MED12L: variants seen among roughly 807,000 people sequenced by gnomAD.
The protein encoded by MED12L is mediator complex subunit 12L.
Under a neutral mutation model 281.3 loss-of-function variants are expected in MED12L, and 60 were observed. The observed-to-expected ratio is 0.21, with a 90% CI of 0.17 to 0.26. The LOEUF (loss-of-function observed/expected upper bound fraction) is 0.26, where lower values mean the gene tolerates loss of function less well. Among genes scored for constraint, MED12L ranks in the 10% least tolerant of loss-of-function variants. The probability of loss-of-function intolerance (pLI) is 1.00; values close to 1 mark genes in which losing one functional copy is unlikely to be tolerated. For synonymous variants in MED12L, 974 were observed against 987.2 expected, an observed-to-expected ratio of 0.99 and a Z score of 0.25; for missense variants, 2,146 against 2,680.9, an observed-to-expected ratio of 0.80 and a Z score of 4.41.
intron 36 of MED12L, 135 bp downstream of exon 36, chr3:151,385,326 G>T: frequency 1.9e-6 from 1 of 538,300 alleles, no homozygotes; most frequent in Non-Finnish European, 3.2e-6. Context: ...TGTCTTCTAA[G>T]TGTACTTAGT....
At chr3:151,367,573 C>T (rs1272943039) in intron 23 of MED12L, 73 bp from the exon 24 acceptor site, 6 of 1,386,822 alleles carry the variant, frequency 4.3e-6, no homozygotes, top group Non-Finnish European at 5.8e-6. Context: ...TGCCTGCATT[C>T]TCTTAGTTAT....
chr3:151,119,161 T>C (rs1008664896), intron 3 of MED12L, among the ~76,000 whole-genome samples: 3 of 152,232 alleles, frequency 2.0e-5, no homozygotes, highest in Non-Finnish European at 4.4e-5. Context: ...AGTTAGTCTG[T>C]TGCCAATTTC....
At chr3:151,229,717 G>A (rs139909171) in intron 16 of MED12L, among the ~76,000 whole-genome samples, 1,944 of 151,800 alleles carry the variant, frequency 0.013, 46 homozygotes, top group African/African-American at 0.045. Context: ...CGCCTGCCTC[G>A]GCCTCCCAAA....
At chr3:151,413,897 G>A (rs1326842427) in intron 42 of MED12L, among the ~76,000 whole-genome samples, 1 of 148,606 alleles carries the variant, frequency 6.7e-6, no homozygotes, top group African/African-American at 2.5e-5. Flanking sequence ...TTCCCCTTAA[G>A]ACGGAGTCTC....
intron 16 of MED12L, among the ~76,000 whole-genome samples, chr3:151,196,409 T>G (rs948499206): frequency 6.6e-6 from 1 of 152,214 alleles, no homozygotes; most frequent in Non-Finnish European, 1.5e-5. Context: ...AGCTTCTCAT[T>G]GCATGTGAGG....
intron 11 of MED12L, among the ~76,000 whole-genome samples, chr3:151,179,017 C>G (rs1192389609): frequency 1.3e-5 from 2 of 152,064 alleles, no homozygotes; most frequent in Non-Finnish European, 2.9e-5. Context: ...CTAGAATAAG[C>G]AATAAATACT....
At chr3:151,372,467 C>G (rs779231047) in intron 26 of MED12L, 100 bp from the exon 27 acceptor site, 509 of 814,276 alleles carry the variant, frequency 6.3e-4, no homozygotes, top group Non-Finnish European at 8.5e-4. Context: ...TAATACTGTT[C>G]ATATATTTTA....
At chr3:151,199,784 A>T (rs567274890) in intron 16 of MED12L, among the ~76,000 whole-genome samples, 6 of 152,080 alleles carry the variant, frequency 3.9e-5, no homozygotes, top group African/African-American at 1.4e-4. Context: ...GAGAGAGGAA[A>T]CTAGGGTTGT....
intron 5 of MED12L, among the ~76,000 whole-genome samples, chr3:151,128,494 C>G (rs73014887): frequency 0.011 from 1,663 of 152,270 alleles, 31 homozygotes; most frequent in African/African-American, 0.037. Context: ...CGGCTCCCCC[C>G]CTTCCTGTGA....
chr3:151,355,897 T>G lies in MED12L; in HGVS notation c.2519T>G (p.Ile840Ser). 6.2e-7 allele frequency: 1 copy of G among 1,607,840 alleles called. No individual in the cohort carries two copies. Among genetic ancestry groups the G allele is most frequent in the Non-Finnish European group, 8.5e-7 (1 of 1,178,196 alleles). Residue 840 changes from isoleucine (I) to serine (S), a missense_variant and splice_region_variant, in exon 19 of 45, where the codon ATT (isoleucine) becomes AGT (serine). Transcript: ENST00000687756. ...ATATTTTTGTTTTTATTTGCACAGA[T>G]TTCTAACAATGTGCTAGAACAAATC... ...YFDQHQVTSQ[I>S]SNNVLEQITS...
At chr3:151,127,314 G>T (rs1206825396) in intron 4 of MED12L, among the ~76,000 whole-genome samples, 1 of 152,052 alleles carries the variant, frequency 6.6e-6, no homozygotes, top group South Asian at 2.1e-4. Flanking sequence ...TTTAAATTTT[G>T]TACTAATGTC....
intron 16 of MED12L, chr3:151,316,920 A>G (rs1001241605): frequency 6.6e-6 from 1 of 152,202 alleles, no homozygotes; most frequent in Non-Finnish European, 1.5e-5. Flanking sequence ...CAGGAATCAG[A>G]TGGTGATTCA....
intron 16 of MED12L, among the ~76,000 whole-genome samples, chr3:151,243,724 C>T (rs1045985532): frequency 1.3e-5 from 2 of 151,912 alleles, no homozygotes; most frequent in African/African-American, 4.8e-5. Context: ...AGCAAAATAA[C>T]CAGCTAACAT....
In MED12L at chr3:151,193,768, TAGC is replaced by T. The variant is rs1273365409; in HGVS notation, c.2250+105_2250+107del. 8 of 1,082,404 alleles carry T rather than the reference TAGC, an allele frequency of 7.4e-6. No homozygotes were observed. In the African/African-American group the frequency reaches 9.5e-5, roughly 13 times the overall value. 67.0% of individuals were successfully genotyped at this position (1,082,404 alleles called of 1,614,324 possible). ...CAACTGTATTCTTGACTAATAATGA[TAGC>T]AGGTGAGTTTTTTGCATTTGCTCCT... On this transcript the variant is annotated intron_variant, in intron 16 of 44. Coordinates refer to ENST00000687756, the MANE Select transcript of MED12L (RefSeq NM_001393769.1).
chr3:151,337,761 T>C, intron 16 of MED12L: 1 of 1,549,576 alleles, frequency 6.5e-7, no homozygotes, highest in South Asian at 1.1e-5. Context: ...ACTTAGCGCT[T>C]TGCTTTAACG....
intron 39 of MED12L, among the ~76,000 whole-genome samples, chr3:151,407,117 A>C (rs1051793963): frequency 1.3e-5 from 2 of 152,142 alleles, no homozygotes; most frequent in African/African-American, 2.4e-5. Flanking sequence ...TATTTCTTAA[A>C]TTCCCATGAT....
At chr3:151,414,551 G>C (rs1164919706) in intron 42 of MED12L, among the ~76,000 whole-genome samples, 1 of 152,204 alleles carries the variant, frequency 6.6e-6, no homozygotes, top group African/African-American at 2.4e-5. Flanking sequence ...CGGTGGGTTT[G>C]AGTCTGAATT....
intron 16 of MED12L, among the ~76,000 whole-genome samples, chr3:151,341,676 A>G (rs1229303372): frequency 6.6e-6 from 1 of 151,868 alleles, no homozygotes; most frequent in Non-Finnish European, 1.5e-5. Flanking sequence ...TGCTACACCC[A>G]TTAACTCGTC....
chr3:151,258,683 C>T (rs1400438791), intron 16 of MED12L, among the ~76,000 whole-genome samples: 1 of 151,994 alleles, frequency 6.6e-6, no homozygotes, highest in Non-Finnish European at 1.5e-5. Context: ...AACCCCGTCT[C>T]TACTAAAAAT....
Sources: gnomAD v4.1 joint callset for allele counts (sites outside exome capture counted in the v4.1 genomes callset) on GRCh38, gnomAD v4.1.1 for gene constraint, MANE v1.5 for transcripts, NCBI Gene and HGNC (gene_info 2026-07-23, HGNC 2026-07-21) for gene names.